The following NKAIN3 variants were observed in gnomAD, a reference collection of about 807,000 sequenced individuals.
NKAIN3 encodes sodium/potassium transporting ATPase interacting 3.
A neutral mutation model predicts 30.2 loss-of-function variants in NKAIN3; 25 were observed. That is an observed-to-expected ratio of 0.83 (90% confidence interval 0.60 to 1.16). The LOEUF (loss-of-function observed/expected upper bound fraction) is 1.16, where lower values mean the gene tolerates loss of function less well. Among genes scored for constraint, NKAIN3 ranks in the 50% most tolerant of loss-of-function variants. The pLI is 0.00. For missense variants in NKAIN3, 225 were observed against 254.1 expected (o/e 0.89, Z 0.78); for synonymous variants, 91 against 89.6 (o/e 1.02, Z -0.09).
At chr8:62,315,872 T>C (rs547939574) in intron 1 of NKAIN3, among the ~76,000 whole-genome samples, 1 of 152,340 alleles carries the variant, frequency 6.6e-6, no homozygotes. Context: ...ATTTTCTTCA[T>C]GGCTTGATAT....
intron 3 of NKAIN3, among the ~76,000 whole-genome samples, chr8:62,634,624 C>T (rs1371170320): frequency 6.6e-6 from 1 of 152,164 alleles, no homozygotes; most frequent in Non-Finnish European, 1.5e-5. Context: ...CTGCACTTCT[C>T]AGAGATGGGA....
chr8:62,539,708 G>A (rs1259291666), intron 1 of NKAIN3, among the ~76,000 whole-genome samples: 2 of 152,118 alleles, frequency 1.3e-5, no homozygotes, highest in Non-Finnish European at 2.9e-5. Flanking sequence ...TCCCACCTCA[G>A]CCACCCAGGT....
Position 62,768,803 on chromosome 8 carries a change from C to A in NKAIN3, c.471+21674C>A, listed in dbSNP as rs1398590955. ...TCCTTCTTAAATTTAACAATCCAAA[C>A]AAGTAAGGTGGAATGCAGCAGACTG... On this transcript the variant is annotated intron_variant, in intron 4 of 6. Transcript: ENST00000623646. Among the ~76,000 whole-genome samples, 3 of 152,200 alleles carry A rather than the reference C, an allele frequency of 2.0e-5. No individual in the cohort carries two copies. In the East Asian group the frequency reaches 5.8e-4, roughly 29 times the overall value.
At chr8:62,332,839 C>A (rs984458701) in intron 1 of NKAIN3, among the ~76,000 whole-genome samples, 2 of 152,108 alleles carry the variant, frequency 1.3e-5, no homozygotes, top group African/African-American at 4.8e-5. Flanking sequence ...CCAGCCTGGG[C>A]ACCATGCCGA....
At chr8:62,357,812 A>G (rs2129592245) in intron 1 of NKAIN3, among the ~76,000 whole-genome samples, 1 of 152,280 alleles carries the variant, frequency 6.6e-6, no homozygotes, top group South Asian at 2.1e-4. Flanking sequence ...GTCCTCCAAA[A>G]TTGAGGTGTA....
chr8:62,330,014 A>G lies in NKAIN3; in HGVS notation c.54+80887A>G, dbSNP rs556096046. On this transcript the variant is annotated intron_variant, in intron 1 of 6. Transcript: ENST00000623646. ...ACGACAGCACCTAGATGCAGCACCT[A>G]TCTCAGTCTTGGTGACAAGAACAGC... Among the ~76,000 whole-genome samples the G allele has an allele frequency of 7.2e-5, 11 of 152,210 alleles. 1 individual carries two copies. The South Asian group carries it at 1.7e-3, about 23-fold the overall frequency.
intron 1 of NKAIN3, among the ~76,000 whole-genome samples, chr8:62,452,088 T>G (rs749877769): frequency 1.3e-5 from 2 of 152,218 alleles, no homozygotes; most frequent in Non-Finnish European, 2.9e-5. Flanking sequence ...GGTACCAAAC[T>G]GCACTCAAAT....
intron 1 of NKAIN3, among the ~76,000 whole-genome samples, chr8:62,292,641 C>CA (rs1813686614): frequency 6.6e-6 from 1 of 152,136 alleles, no homozygotes; most frequent in Non-Finnish European, 1.5e-5. Context: ...GTGGGTAACT[C>CA]AACCTTTCTC....
chr8:62,942,818 G>A (rs962370005), intron 5 of NKAIN3, among the ~76,000 whole-genome samples: 4 of 152,014 alleles, frequency 2.6e-5, no homozygotes, highest in Admixed American at 1.3e-4. Context: ...TGGGATAATC[G>A]GCAACTCACA....
chr8:62,304,595 T>C (rs1328371679), intron 1 of NKAIN3, among the ~76,000 whole-genome samples: 6 of 150,474 alleles, frequency 4.0e-5, no homozygotes, highest in African/African-American at 1.5e-4. Flanking sequence ...GATGCAAACA[T>C]AATGAAGCAA....
chr8:62,784,299 TA>T (rs1453374360), intron 4 of NKAIN3, among the ~76,000 whole-genome samples: 3 of 151,140 alleles, frequency 2.0e-5, no homozygotes, highest in African/African-American at 7.3e-5. Context: ...ACTAATAAAA[TA>T]AAAATAGAAA....
chr8:62,516,704 T>C (rs1180443139), intron 1 of NKAIN3, among the ~76,000 whole-genome samples: 1 of 152,146 alleles, frequency 6.6e-6, no homozygotes, highest in Non-Finnish European at 1.5e-5. Context: ...CTGTACAAAT[T>C]TTATGGATTC....
Position 62,981,238 on chromosome 8 carries a change from C to A in NKAIN3, c.*15831C>A, listed in dbSNP as rs1358823783. On this transcript the variant is annotated 3_prime_UTR_variant, in exon 7 of 7. Transcript: ENST00000623646. ...TATAGTGCTACATAATAATTACAAC[C>A]TTTAAGAAAATGGAGAGTTTTCATT... 1 of 152,096 alleles carries A rather than the reference C, an allele frequency of 6.6e-6. No individual in the cohort carries two copies. The highest frequency in any genetic ancestry group is 1.5e-5 in the Non-Finnish European group (1 of 68,022). The allele number at this position is 152,096 out of a possible 1,614,324, so 9.4% of individuals were successfully genotyped here.
chr8:62,899,981 A>G (rs1563618487), intron 4 of NKAIN3, among the ~76,000 whole-genome samples: 1 of 151,868 alleles, frequency 6.6e-6, no homozygotes, highest in Admixed American at 6.6e-5. Flanking sequence ...CTATTATGCG[A>G]TTCATCCATG....
chr8:62,704,321 A>G (rs901021723), intron 3 of NKAIN3, among the ~76,000 whole-genome samples: 4 of 152,262 alleles, frequency 2.6e-5, no homozygotes, highest in African/African-American at 9.6e-5. Flanking sequence ...CCCTTTTTAT[A>G]GTATTTTAAT....
chr8:62,792,625 G>A (rs898185958), intron 4 of NKAIN3, among the ~76,000 whole-genome samples: 2 of 152,160 alleles, frequency 1.3e-5, no homozygotes, highest in Admixed American at 6.6e-5. Flanking sequence ...AGCTCAGTGT[G>A]ATACACACTA....
At chr8:62,254,045 A>G (rs1319543707) in intron 1 of NKAIN3, among the ~76,000 whole-genome samples, 4 of 152,118 alleles carry the variant, frequency 2.6e-5, no homozygotes, top group African/African-American at 7.2e-5. Context: ...AATTTTGTCT[A>G]CTAATGAGAC....
At chr8:62,850,618 G>A (rs1185446334) in intron 4 of NKAIN3, among the ~76,000 whole-genome samples, 2 of 151,956 alleles carry the variant, frequency 1.3e-5, no homozygotes, top group African/African-American at 2.4e-5. Context: ...AATCCATCTT[G>A]AATTAATTTT....
intron 1 of NKAIN3, among the ~76,000 whole-genome samples, chr8:62,457,138 A>G (rs1420649976): frequency 6.6e-6 from 1 of 152,214 alleles, no homozygotes; most frequent in East Asian, 1.9e-4. Context: ...GAAACTGTGT[A>G]CACAGGAAGT....
Sources: allele counts gnomAD v4.1 joint callset (sites outside exome capture counted in the v4.1 genomes callset), GRCh38; gene constraint gnomAD v4.1.1; transcripts MANE v1.5; gene names NCBI Gene and HGNC (gene_info 2026-07-23, HGNC 2026-07-21).